SLC37A3: variants seen among roughly 807,000 people sequenced by gnomAD.
The protein encoded by SLC37A3 is solute carrier family 37 member 3, also known as sugar phosphate exchanger 3.
In SLC37A3, 51 loss-of-function variants were observed where a neutral mutation model predicts 67.1. The observed-to-expected ratio is 0.76, with a 90% confidence interval of 0.61 to 0.96. The LOEUF (loss-of-function observed/expected upper bound fraction) is 0.96. Among genes scored for constraint, SLC37A3 ranks in the 40% least tolerant of loss-of-function variants. The pLI, the probability that SLC37A3 is intolerant of heterozygous loss-of-function variation, is 0.00. For synonymous variants in SLC37A3, 214 were observed against 231.4 expected (o/e 0.92, Z 0.68); for missense variants, 508 against 603.0 (o/e 0.84, Z 1.65).
intron 3 of SLC37A3, chr7:140,379,228 C>G (rs1798152132): frequency 6.6e-6 from 1 of 151,942 alleles, no homozygotes; most frequent in African/African-American, 2.4e-5. Flanking sequence ...AATCCCCACA[C>G]TTGGGGAGGC....
intron 10 of SLC37A3, among the ~76,000 whole-genome samples, chr7:140,347,133 C>T (rs1796593735): frequency 6.6e-6 from 1 of 151,012 alleles, no homozygotes; most frequent in African/African-American, 2.4e-5. Flanking sequence ...TGTGGTGGTG[C>T]ATGACTGTAG....
intron 11 of SLC37A3, 71 bp downstream of exon 11, chr7:140,345,798 C>T (rs1796531961): frequency 1.6e-6 from 2 of 1,240,932 alleles, no homozygotes; most frequent in Non-Finnish European, 2.4e-6. Context: ...TGGTCACTGA[C>T]TCCAAACAAA....
At chr7:140,383,860 G>A (rs11773100) in intron 1 of SLC37A3, among the ~76,000 whole-genome samples, 29,702 of 151,862 alleles carry the variant, frequency 0.2, 3,480 homozygotes, top group South Asian at 0.38. Flanking sequence ...TATTTTTTGT[G>A]GAAACATGGT....
intron 3 of SLC37A3, among the ~76,000 whole-genome samples, chr7:140,373,483 C>G (rs774279201): frequency 5.7e-4 from 86 of 152,132 alleles, no homozygotes; most frequent in Admixed American, 2.6e-3. Context: ...CCAAAGTGCA[C>G]TGATACAGTT....
In SLC37A3 at chr7:140,378,778, T is replaced by G. The variant is rs59688702; in HGVS notation, c.198+1504A>C. Among the ~76,000 whole-genome samples, 1,139 of 150,802 alleles carry G rather than the reference T, an allele frequency of 7.6e-3. 10 individuals are homozygous for G. Among genetic ancestry groups the G allele is most frequent in the African/African-American group, 0.025 (1,013 of 41,076 alleles). On this transcript the variant is annotated intron_variant, in intron 3 of 14. Transcript: ENST00000326232. Reference sequence around the variant, plus strand: ...GATTTATGATTCTGGCCGGGCGCAGTGGCCCACGCCTGTAATACCAACACT... The same window carrying G: ...GATTTATGATTCTGGCCGGGCGCAGGGGCCCACGCCTGTAATACCAACACT...
At chr7:140,376,090 A>ACT (rs1798021916) in intron 3 of SLC37A3, among the ~76,000 whole-genome samples, 2 of 152,144 alleles carry the variant, frequency 1.3e-5, no homozygotes, top group African/African-American at 4.8e-5. Flanking sequence ...AGAAGTTACC[A>ACT]AAAACTCCCT....
At chr7:140,350,211 T>C (rs1414456855) in intron 9 of SLC37A3, among the ~76,000 whole-genome samples, 2 of 152,074 alleles carry the variant, frequency 1.3e-5, no homozygotes, top group South Asian at 2.1e-4. Flanking sequence ...TTCTATTCCA[T>C]GGGAAGGGGA....
chr7:140,353,743 C>T (rs1332461097), intron 7 of SLC37A3, among the ~76,000 whole-genome samples: 1 of 151,420 alleles, frequency 6.6e-6, no homozygotes, highest in Non-Finnish European at 1.5e-5. Context: ...TACGGAGTCT[C>T]GCTTTGTCAC....
At chr7:140,340,892 A>G (rs961729554) in intron 13 of SLC37A3, among the ~76,000 whole-genome samples, 3 of 151,750 alleles carry the variant, frequency 2.0e-5, no homozygotes, top group African/African-American at 7.3e-5. Context: ...AGATCCTGCC[A>G]CTGCACTCCA....
At chr7:140,361,984 G>A (rs1255015501) in intron 5 of SLC37A3, among the ~76,000 whole-genome samples, 28 of 134,482 alleles carry the variant, frequency 2.1e-4, no homozygotes, top group African/African-American at 7.5e-4. Context: ...TGTCTGGGAA[G>A]TGAGGAGCGT....
intron 1 of SLC37A3, among the ~76,000 whole-genome samples, chr7:140,392,469 C>T (rs1443061792): frequency 3.9e-5 from 6 of 152,142 alleles, no homozygotes; most frequent in East Asian, 1.9e-4. Flanking sequence ...TCCTCTTCAC[C>T]GCCACCCTCT....
chr7:140,369,643 C>A lies in SLC37A3; in HGVS notation c.238G>T (p.Ala80Ser). 6.2e-7 allele frequency: 1 copy of A among 1,614,016 alleles called. No homozygotes were observed. ...SNHLFPSAEK[A>S]TLFLGTLDTI... ...TCCAGTGTGCCGAGGAAAAGAGTCG[C>A]TTTCTCTGCACTGGGGAACAAATGG... Residue 80 changes from alanine to serine, a missense_variant, in exon 4 of 15, where the codon GCG becomes TCG. By Grantham distance (99) the Ala-to-Ser change is moderately conservative. Transcript: ENST00000326232.
chr7:140,349,805 C>A (rs905061614), intron 9 of SLC37A3, among the ~76,000 whole-genome samples: 1 of 152,100 alleles, frequency 6.6e-6, no homozygotes, highest in Non-Finnish European at 1.5e-5. Context: ...AAAGGAACAG[C>A]AAAAGAGGTC....
At chr7:140,359,830 C>T (rs1176045940) in intron 5 of SLC37A3, among the ~76,000 whole-genome samples, 1 of 152,114 alleles carries the variant, frequency 6.6e-6, no homozygotes, top group Non-Finnish European at 1.5e-5. Flanking sequence ...CACAAAACTA[C>T]TCATTTGTTG....
At chr7:140,370,152 T>G (rs1797766508) in intron 3 of SLC37A3, among the ~76,000 whole-genome samples, 1 of 110,304 alleles carries the variant, frequency 9.1e-6, no homozygotes, top group African/African-American at 4.5e-5. Context: ...ATAACTAGTT[T>G]TTTTTTTTGC....
chr7:140,397,072 C>T (rs1490095295), intron 1 of SLC37A3, among the ~76,000 whole-genome samples: 1 of 149,592 alleles, frequency 6.7e-6, no homozygotes, highest in Non-Finnish European at 1.5e-5. Context: ...TGGTGGCGGG[C>T]GCCTGTAGTC....
At chr7:140,360,606 C>T (rs1313235247) in intron 5 of SLC37A3, among the ~76,000 whole-genome samples, 2 of 151,698 alleles carry the variant, frequency 1.3e-5, no homozygotes, top group African/African-American at 4.8e-5. Flanking sequence ...TGGTGGTGCA[C>T]ACCTGTAGTC....
At chr7:140,341,388 C>T (rs991918391) in intron 13 of SLC37A3, among the ~76,000 whole-genome samples, 4 of 152,120 alleles carry the variant, frequency 2.6e-5, no homozygotes, top group Non-Finnish European at 5.9e-5. Flanking sequence ...CACGGTGCAT[C>T]ACCTTTACAC....
In SLC37A3 at chr7:140,367,748, T is replaced by A. The variant is rs147758147; in HGVS notation, c.291+1842A>T. 5.0e-3 allele frequency among the ~76,000 whole-genome samples: 759 copies of A among 151,198 alleles called. 17 individuals carry two copies. The highest frequency in any genetic ancestry group is 0.05 in the South Asian group (238 of 4,780). ...GCCAGACAGAGACGCCAGCTGCCTATCCTGACGCTGAATTACTCCTCGCCA... is the reference window on the plus strand; with the variant it reads ...GCCAGACAGAGACGCCAGCTGCCTAACCTGACGCTGAATTACTCCTCGCCA... On this transcript the variant is annotated intron_variant, in intron 4 of 14. Transcript: ENST00000326232.
Sources: gnomAD v4.1 joint callset for allele counts (sites outside exome capture counted in the v4.1 genomes callset) on GRCh38, gnomAD v4.1.1 for gene constraint, MANE v1.5 for transcripts, NCBI Gene and HGNC (gene_info 2026-07-23, HGNC 2026-07-21) for gene names.